MYO9A: variants seen among roughly 807,000 people sequenced by gnomAD.
The protein encoded by MYO9A is myosin IXA, also known as unconventional myosin-IXa.
MYO9A carries 103 observed loss-of-function variants against 293.3 expected under a neutral mutation model. The ratio of observed to expected loss-of-function variants is 0.35; its 90% CI spans 0.30 to 0.41. The LOEUF (loss-of-function observed/expected upper bound fraction) is 0.41. Ranked by LOEUF, MYO9A falls within the 10% of genes least tolerant of loss-of-function variation. MYO9A has a pLI of 1.00. For missense variants in MYO9A, 2,685 were observed against 3,033.0 expected, an observed-to-expected ratio of 0.89 and a Z score of 2.69; for synonymous variants, 1,001 against 1,035.7, an observed-to-expected ratio of 0.97 and a Z score of 0.64.
intron 39 of MYO9A, among the ~76,000 whole-genome samples, chr15:71,845,007 A>G (rs2141124668): frequency 6.6e-6 from 1 of 152,340 alleles, no homozygotes; most frequent in South Asian, 2.1e-4. Context: ...GCTAAAACAC[A>G]AATCTCAGAA....
At chr15:71,884,289 A>T (rs1204161740) in intron 27 of MYO9A, among the ~76,000 whole-genome samples, 1 of 152,172 alleles carries the variant, frequency 6.6e-6, no homozygotes, top group East Asian at 1.9e-4. Context: ...TAGCATTTTA[A>T]ATCTTTCCAC....
chr15:71,939,740 A>T (rs150330683), intron 15 of MYO9A, among the ~76,000 whole-genome samples: 45 of 152,362 alleles, frequency 3.0e-4, no homozygotes, highest in African/African-American at 1.0e-3. Flanking sequence ...TATGATAAAC[A>T]TGTAAGTTCC....
intron 15 of MYO9A, among the ~76,000 whole-genome samples, chr15:71,946,143 A>C (rs1006485391): frequency 6.6e-6 from 1 of 152,192 alleles, no homozygotes; most frequent in Non-Finnish European, 1.5e-5. Flanking sequence ...CCACCATTAC[A>C]AAGTTATATT....
intron 18 of MYO9A, among the ~76,000 whole-genome samples, chr15:71,919,975 A>T (rs182850183): frequency 1.3e-5 from 2 of 152,264 alleles, no homozygotes; most frequent in African/African-American, 4.8e-5. Context: ...AGTCATTACT[A>T]AAGGTCAGAC....
rs910670863 is a variant in MYO9A, at chr15:71,862,611, C to T, written c.5980G>A (p.Val1994Met). The change falls in exon 33 of 42, where the codon GTG becomes ATG. Residue 1994 changes from valine to methionine, a missense_variant and splice_region_variant. Physicochemically the swap from Val to Met is conservative, Grantham distance 21. Coordinates refer to ENST00000356056, the MANE Select transcript of MYO9A (RefSeq NM_006901.4). The stretch of plus-strand genomic sequence containing the variant: ...AAGATGTGACCATTGTGTTCTTCCA[C>T]CTGAATGAAAAAATTTAGCTACTTA... ...KKRRKKETDL[V>M]EEHNGHIFKA... 6.9e-6 allele frequency: 11 copies of T among 1,600,248 alleles called. No individual in the cohort carries two copies. Among genetic ancestry groups the T allele is most frequent in the Admixed American group, 3.4e-5 (2 of 59,650 alleles).
intron 12 of MYO9A, among the ~76,000 whole-genome samples, chr15:71,971,084 C>A (rs1321821542): frequency 6.6e-6 from 1 of 151,530 alleles, no homozygotes; most frequent in Non-Finnish European, 1.5e-5. Flanking sequence ...TGGCATTAAC[C>A]CGGGAAGCAG....
At chr15:72,007,995 C>T (rs1288160624) in intron 7 of MYO9A, 43 bp from the exon 8 acceptor site, 1 of 1,570,544 alleles carries the variant, frequency 6.4e-7, no homozygotes, top group African/African-American at 1.4e-5. Context: ...TGTGTCCATT[C>T]CCAAAGCTCA....
chr15:72,023,660 A>T (rs1228045902), intron 4 of MYO9A, among the ~76,000 whole-genome samples: 1 of 147,424 alleles, frequency 6.8e-6, no homozygotes, highest in Non-Finnish European at 1.5e-5. Context: ...ACACCATTGC[A>T]CTCCAGCCTG....
chr15:71,845,479 A>C (rs1453311414), intron 39 of MYO9A, among the ~76,000 whole-genome samples: 1 of 152,214 alleles, frequency 6.6e-6, no homozygotes, highest in Non-Finnish European at 1.5e-5. Context: ...TGATGTCCTC[A>C]AAACCATTTC....
At chr15:72,053,219 G>A (rs1198072768) in intron 1 of MYO9A, among the ~76,000 whole-genome samples, 2 of 152,028 alleles carry the variant, frequency 1.3e-5, no homozygotes, top group Admixed American at 6.5e-5. Context: ...GGCCAACATG[G>A]TGAAACCCTG....
intron 1 of MYO9A, among the ~76,000 whole-genome samples, chr15:72,061,298 A>G (rs2078871166): frequency 2.0e-5 from 3 of 151,820 alleles, no homozygotes. Flanking sequence ...CTTCTGCCTG[A>G]GAAAGGAGAG....
In MYO9A at chr15:71,950,332, G is replaced by A. The variant is rs1017081796; in HGVS notation, c.2302+1445C>T. 3 of 152,110 alleles carry A rather than the reference G, an allele frequency of 2.0e-5. No homozygotes were observed. In the South Asian group the frequency reaches 6.2e-4, roughly 32 times the overall value. 9.4% of individuals were successfully genotyped at this position (152,110 alleles called of 1,614,324 possible). On this transcript the variant is annotated intron_variant, in intron 15 of 41. Transcript: ENST00000356056. ...CTTCATGCAGCCTATGCTGAAACTG[G>A]TGCCCTCCTATTCAAGATCCATATG... is the stretch of plus-strand genomic sequence containing the variant.
intron 18 of MYO9A, among the ~76,000 whole-genome samples, chr15:71,932,043 T>C (rs2058489452): frequency 6.6e-6 from 1 of 152,118 alleles, no homozygotes; most frequent in African/African-American, 2.4e-5. Context: ...TTTTTTGTTG[T>C]CTCCAGGAAA....
intron 1 of MYO9A, among the ~76,000 whole-genome samples, chr15:72,066,572 A>G (rs2079029801): frequency 6.6e-6 from 1 of 152,208 alleles, no homozygotes; most frequent in Non-Finnish European, 1.5e-5. Context: ...GTTCACAAAC[A>G]GACAACATAA....
rs57800508 is a variant in MYO9A at position 71,975,390 on chromosome 15, C to CGTGTGTGTGTGTGTGTGTGT, written c.1844+2761_1844+2780dup. ...CCTTTGGCCTATGACGTGATTTTAT[C>CGTGTGTGTGTGTGTGTGTGT]GTGTGTGTGTGTGTGTGTGTGTGTG... is the stretch of plus-strand genomic sequence containing the variant. On this transcript the variant is annotated intron_variant, in intron 12 of 41. Coordinates refer to ENST00000356056, the MANE Select transcript of MYO9A (RefSeq NM_006901.4). Among the ~76,000 whole-genome samples, 158 of 86,680 alleles carry CGTGTGTGTGTGTGTGTGTGT rather than the reference C, an allele frequency of 1.8e-3. 20 individuals carry two copies. The highest frequency in any genetic ancestry group is 2.3e-3 in the African/African-American group (44 of 19,066). The allele number at this position is 86,680 out of a possible 152,430, so 56.9% of individuals were successfully genotyped here.
chr15:71,940,557 T>G (rs1552134), intron 15 of MYO9A, among the ~76,000 whole-genome samples: 1 of 151,234 alleles, frequency 6.6e-6, no homozygotes, highest in South Asian at 2.1e-4. Context: ...ATGAAATTTT[T>G]AAAAGTATAA....
Position 71,991,198 on chromosome 15 carries a change from C to G in MYO9A, c.1627G>C (p.Asp543His), listed in dbSNP as rs2076534944. ...TGTTCAAAGCTGTTATTTTCATAAT[C>G]TTCAAACCCAAAAATATCAAGAACA... The part of the protein sequence containing the change: ...IGVLDIFGFE[D>H]YENNSFEQFC... The change falls in exon 11 of 42, where the codon GAT (aspartate) becomes CAT (histidine). Residue 543 changes from aspartate to histidine, a missense_variant. Transcript: ENST00000356056. 1 of 1,607,330 alleles carries G rather than the reference C, an allele frequency of 6.2e-7. No individual in the cohort carries two copies. The highest frequency in any genetic ancestry group is 8.5e-7 in the Non-Finnish European group (1 of 1,177,014).
chr15:71,932,935 A>G (rs1291435740), intron 18 of MYO9A, among the ~76,000 whole-genome samples: 4 of 152,042 alleles, frequency 2.6e-5, no homozygotes, highest in Admixed American at 6.6e-5. Flanking sequence ...GTTTTTTGCT[A>G]TTACAAATAA....
Position 71,877,983 on chromosome 15 carries a change from C to T in MYO9A, c.5931+57G>A, listed in dbSNP as rs571253768. 8.4e-5 allele frequency: 120 copies of T among 1,428,396 alleles called. 3 individuals carry two copies. The South Asian group carries it at 1.5e-3, about 17-fold the overall frequency. The allele number at this position is 1,428,396 out of a possible 1,614,324, so 88.5% of individuals were successfully genotyped here. Reference sequence around the variant, plus strand: ...TCTCAAATACAAGATGTCCCAAACGCTCTTAAAAAGAATTCATAATTAAAT... The same window carrying T: ...TCTCAAATACAAGATGTCCCAAACGTTCTTAAAAAGAATTCATAATTAAAT... On this transcript the variant is annotated intron_variant, in intron 31 of 41. Transcript: ENST00000356056.
Sources: allele counts gnomAD v4.1 joint callset (sites outside exome capture counted in the v4.1 genomes callset), GRCh38; gene constraint gnomAD v4.1.1; transcripts MANE v1.5; gene names NCBI Gene and HGNC (gene_info 2026-07-23, HGNC 2026-07-21).